The following ANKH variants were observed in gnomAD, a reference collection of about 807,000 sequenced individuals.
ANKH encodes the protein mineralization regulator ANKH.
ANKH carries 15 observed loss-of-function variants against 49.0 expected under a neutral mutation model. The ratio of observed to expected loss-of-function variants is 0.31; its 90% confidence interval spans 0.20 to 0.47. The LOEUF (loss-of-function observed/expected upper bound fraction) is 0.47, where lower values mean the gene tolerates loss of function less well. ANKH is among the 20% of genes least tolerant of loss of function. The probability of loss-of-function intolerance (pLI) is 1.00; values close to 1 mark genes in which losing one functional copy is unlikely to be tolerated. For missense variants in ANKH, 429 were observed against 652.0 expected (o/e 0.66, Z 3.72); for synonymous variants, 273 against 260.0 (o/e 1.05, Z -0.48).
rs1335462935 is a variant in ANKH at position 14,705,805 on chromosome 5, A to G, written c.*5392T>C. On this transcript the variant is annotated 3_prime_UTR_variant, in exon 12 of 12. Transcript: ENST00000284268. Reference sequence around the variant, plus strand: ...GATGTGTACCCTGTACTCCTTTGTTACGCAAGGGTGGTTTGAACTTAGCTT... The same window carrying G: ...GATGTGTACCCTGTACTCCTTTGTTGCGCAAGGGTGGTTTGAACTTAGCTT... 6.6e-6 allele frequency: 1 copy of G among 152,578 alleles called. No individual in the cohort carries two copies. Among genetic ancestry groups the G allele is most frequent in the Non-Finnish European group, 1.5e-5 (1 of 68,020 alleles). 9.5% of individuals were successfully genotyped at this position (152,578 alleles called of 1,614,324 possible).
chr5:14,789,500 T>C (rs1740091467), intron 1 of ANKH, among the ~76,000 whole-genome samples: 1 of 151,960 alleles, frequency 6.6e-6, no homozygotes, highest in Non-Finnish European at 1.5e-5. Flanking sequence ...GCTGTGTCTA[T>C]CTAGAAATTT....
chr5:14,868,502 C>T (rs947785926), intron 1 of ANKH: 6 of 151,022 alleles, frequency 4.0e-5, no homozygotes, highest in African/African-American at 1.5e-4. Flanking sequence ...GGGTTCAATG[C>T]AATTCTCCCA....
At chr5:14,856,057 T>C (rs1735236410) in intron 1 of ANKH, among the ~76,000 whole-genome samples, 1 of 151,902 alleles carries the variant, frequency 6.6e-6, no homozygotes, top group Admixed American at 6.6e-5. Context: ...GGCTCAAGCC[T>C]GTAATCCCAG....
At chr5:14,741,231 G>A (rs1471662291) in intron 8 of ANKH, 2 of 155,124 alleles carry the variant, frequency 1.3e-5, no homozygotes, top group Non-Finnish European at 2.9e-5. Flanking sequence ...ACACACATGG[G>A]CTTCATAACG....
chr5:14,766,171 C>A (rs528895125), intron 2 of ANKH, among the ~76,000 whole-genome samples: 1 of 151,794 alleles, frequency 6.6e-6, no homozygotes, highest in Admixed American at 6.6e-5. Context: ...GTAGGCAGAT[C>A]GCTTGAACTC....
In ANKH at chr5:14,713,793, C is replaced by T. The variant is rs1737334565; in HGVS notation, c.1142-126G>A. The T allele has an allele frequency of 1.1e-5, 15 of 1,351,102 alleles. No individual in the cohort carries two copies. Among genetic ancestry groups the T allele is most frequent in the Middle Eastern group, 2.5e-4 (1 of 3,966 alleles). 83.7% of individuals were successfully genotyped at this position (1,351,102 alleles called of 1,614,324 possible). ...TAGGACCCTGGCCTTGCTGTTGAGCCGCTGGCCACCTCATCTTCCTGCCAG... is the reference window on the plus strand; with the variant it reads ...TAGGACCCTGGCCTTGCTGTTGAGCTGCTGGCCACCTCATCTTCCTGCCAG... On this transcript the variant is annotated intron_variant, in intron 9 of 11. Transcript: ENST00000284268. The surrounding 1 kb of genome is among the most constrained non-coding windows in gnomAD (Gnocchi z 4.4).
intron 1 of ANKH, among the ~76,000 whole-genome samples, chr5:14,846,803 C>T (rs1180160289): frequency 6.6e-6 from 1 of 151,884 alleles, no homozygotes; most frequent in East Asian, 1.9e-4. Flanking sequence ...CCCAGCCTGG[C>T]CAACATGGTA....
chr5:14,750,118 G>C (rs1417566139), intron 5 of ANKH, among the ~76,000 whole-genome samples: 1 of 152,224 alleles, frequency 6.6e-6, no homozygotes. Flanking sequence ...ATGGAGGTAA[G>C]TGGTCAAAAC....
At chr5:14,798,266 T>C (rs1269730471) in intron 1 of ANKH, 7 of 1,604,506 alleles carry the variant, frequency 4.4e-6, no homozygotes, top group East Asian at 2.2e-5. Flanking sequence ...ACTGGGCAGT[T>C]AGGCTGGGCC....
At chr5:14,789,315 G>C (rs776276945) in intron 1 of ANKH, among the ~76,000 whole-genome samples, 6 of 152,138 alleles carry the variant, frequency 3.9e-5, no homozygotes, top group Non-Finnish European at 7.3e-5. Flanking sequence ...CTCAATGTTA[G>C]AATCGTTTTA....
chr5:14,715,927 G>C (rs1462844207), intron 9 of ANKH, among the ~76,000 whole-genome samples: 1 of 152,186 alleles, frequency 6.6e-6, no homozygotes, highest in Non-Finnish European at 1.5e-5. Flanking sequence ...AGGTTCCCCT[G>C]GAGTCTTCCT....
intron 1 of ANKH, among the ~76,000 whole-genome samples, chr5:14,830,637 C>T (rs1741479486): frequency 6.6e-6 from 1 of 152,036 alleles, no homozygotes; most frequent in Non-Finnish European, 1.5e-5. Flanking sequence ...AAGAGAATAA[C>T]AGCAAGTCCG....
At chr5:14,771,934 A>AAC (rs565742888) in intron 1 of ANKH, among the ~76,000 whole-genome samples, 3 of 108,660 alleles carry the variant, frequency 2.8e-5, no homozygotes, top group Non-Finnish European at 4.7e-5. Context: ...AAAAAAAAAA[A>AAC]AAAAAAAAAA....
chr5:14,732,714 C>T (rs1692600465), intron 8 of ANKH, among the ~76,000 whole-genome samples: 1 of 152,046 alleles, frequency 6.6e-6, no homozygotes. Flanking sequence ...ATTCTTGTTG[C>T]CTCTGTGTGG....
Position 14,713,655 on chromosome 5 carries a change from G to A in ANKH, c.1154C>T (p.Ala385Val). 1.9e-6 allele frequency: 3 copies of A among 1,613,964 alleles called. No individual in the cohort carries two copies. The highest frequency in any genetic ancestry group is 1.7e-6 in the Non-Finnish European group (2 of 1,180,018). ...TGTCATCAGCCACCCGGTGAGATGC[G>A]CCCTCACTGTGACTGTTGGGAGGAG... Reference protein sequence around the residue: ...SFFPVPVTVRAHLTGWLMTLK... With the variant: ...SFFPVPVTVRVHLTGWLMTLK... The change falls in exon 10 of 12, where the codon GCG becomes GTG. Residue 385 changes from alanine to valine, a missense_variant. This residue lies in a region of ANKH where 378 missense variants were observed against 615.3 expected (regional missense o/e 0.61). Coordinates refer to ENST00000284268, the MANE Select transcript of ANKH (RefSeq NM_054027.6). The surrounding 1 kb of genome is among the most constrained non-coding windows in gnomAD (Gnocchi z 4.4).
At chr5:14,786,045 CAAAAA>C (rs71603742) in intron 1 of ANKH, among the ~76,000 whole-genome samples, 1 of 67,206 alleles carries the variant, frequency 1.5e-5, no homozygotes, top group Non-Finnish European at 3.0e-5. Context: ...GACTCTGTCT[CAAAAA>C]AAAAAAAAAA....
At chr5:14,830,525 G>GTGTGTC (rs1554008998) in intron 1 of ANKH, among the ~76,000 whole-genome samples, 6 of 151,644 alleles carry the variant, frequency 4.0e-5, no homozygotes, top group African/African-American at 1.5e-4. Flanking sequence ...GTGTGTGTGT[G>GTGTGTC]TGTGTGTGTG....
At chr5:14,850,410 G>C (rs189634284) in intron 1 of ANKH, among the ~76,000 whole-genome samples, 1 of 152,344 alleles carries the variant, frequency 6.6e-6, no homozygotes, top group Non-Finnish European at 1.5e-5. Context: ...AGAAGATGGG[G>C]ACATCTGTAC....
At chr5:14,719,200 A>C (rs763853173) in intron 8 of ANKH, among the ~76,000 whole-genome samples, 1 of 152,248 alleles carries the variant, frequency 6.6e-6, no homozygotes, top group Non-Finnish European at 1.5e-5. Flanking sequence ...TGAAAGCTAG[A>C]AGACAAGGAG....
Sources: allele counts gnomAD v4.1 joint callset (sites outside exome capture counted in the v4.1 genomes callset), GRCh38; gene constraint gnomAD v4.1.1; regional missense constraint gnomAD v4.1.1; non-coding constraint Gnocchi (gnomAD v3.1); transcripts MANE v1.5; gene names NCBI Gene and HGNC (gene_info 2026-07-23, HGNC 2026-07-21).